Variants in CSGALNACT1 observed in about 807,000 individuals in gnomAD.
CSGALNACT1 encodes the protein chondroitin sulfate N-acetylgalactosaminyltransferase 1, also known as beta4GalNAcT-1.
CSGALNACT1 carries 52 observed loss-of-function variants against 51.0 expected under a neutral mutation model. The observed-to-expected ratio is 1.02, with a 90% CI of 0.82 to 1.29. CSGALNACT1 has a LOEUF of 1.29. Ranked by LOEUF, CSGALNACT1 falls within the 50% of genes most tolerant of loss-of-function variation. The probability of loss-of-function intolerance (pLI) is 0.00; values close to 1 mark genes in which losing one functional copy is unlikely to be tolerated. For synonymous variants in CSGALNACT1, 341 were observed against 254.4 expected (o/e 1.34, Z -3.24); for missense variants, 935 against 679.2 (o/e 1.38, Z -4.19).
At chr8:19,568,950 G>A (rs1034531459) in intron 3 of CSGALNACT1, among the ~76,000 whole-genome samples, 1 of 152,172 alleles carries the variant, frequency 6.6e-6, no homozygotes, top group Non-Finnish European at 1.5e-5. Flanking sequence ...AAGACACTAT[G>A]TGTCCCAGAA....
At chr8:19,704,434 T>C (rs918901154) in intron 1 of CSGALNACT1, among the ~76,000 whole-genome samples, 2 of 152,210 alleles carry the variant, frequency 1.3e-5, no homozygotes, top group Admixed American at 1.3e-4. Flanking sequence ...TCAAGTGTTG[T>C]CGAGGACTTG....
At chr8:19,636,671 T>C (rs1191138819) in intron 1 of CSGALNACT1, among the ~76,000 whole-genome samples, 2 of 152,220 alleles carry the variant, frequency 1.3e-5, no homozygotes, top group African/African-American at 4.8e-5. Context: ...ATACAGTCGG[T>C]AGTGCTGTCC....
At chr8:19,615,292 G>A (rs2052846003) in intron 1 of CSGALNACT1, among the ~76,000 whole-genome samples, 1 of 152,200 alleles carries the variant, frequency 6.6e-6, no homozygotes, top group Non-Finnish European at 1.5e-5. Flanking sequence ...GACAAAGTGA[G>A]ACTCCATCTC....
intron 2 of CSGALNACT1, 135 bp downstream of exon 2, chr8:19,601,636 C>G (rs1377688207): frequency 3.3e-6 from 1 of 302,640 alleles, no homozygotes; most frequent in Non-Finnish European, 6.5e-6. Context: ...GTATCATTCT[C>G]TTGAAGTAAT....
At chr8:19,603,750 T>C (rs1234089702), upstream of CSGALNACT1, among the ~76,000 whole-genome samples, 2 of 152,210 alleles carry the variant, frequency 1.3e-5, no homozygotes, top group African/African-American at 4.8e-5. Flanking sequence ...ATGGTCTTTA[T>C]GGATATCCTT....
At position 19,505,825 on chromosome 8, in the gene CSGALNACT1, CCAT is replaced by C. The variant is rs747629736; in HGVS notation, c.7_9del (p.Met3del). 3 of 1,611,532 alleles carry C rather than the reference CCAT, an allele frequency of 1.9e-6. No homozygotes were observed. The highest frequency in any genetic ancestry group is 1.7e-6 in the Non-Finnish European group (2 of 1,180,020). On this transcript the variant is annotated inframe_deletion, in exon 4 of 10. Transcript: ENST00000454498. The stretch of plus-strand genomic sequence containing the variant: ...ATCCACGCAAGCAGCCCCCGGCGAA[CCAT>C]CATCATTCAGGAATCAGCCATGCGT...
chr8:19,464,365 G>A (rs367865737), intron 4 of CSGALNACT1, among the ~76,000 whole-genome samples: 2 of 152,006 alleles, frequency 1.3e-5, no homozygotes, highest in East Asian at 1.9e-4. Context: ...CAAAGTTCTC[G>A]CCAGCATCCC....
chr8:19,623,093 G>C (rs1229145011), intron 1 of CSGALNACT1, among the ~76,000 whole-genome samples: 3 of 152,060 alleles, frequency 2.0e-5, no homozygotes, highest in Admixed American at 2.0e-4. Context: ...TTCAACATAA[G>C]GATATAGAAT....
At chr8:19,404,726 A>G (rs1304624722) in exon 10 of CSGALNACT1, 2 of 454,562 alleles carry the variant, frequency 4.4e-6, no homozygotes, top group Admixed American at 4.7e-5. Flanking sequence ...TTATTTAAAC[A>G]GGTAAGAAAG....
At chr8:19,450,657 G>A (rs2063015221) in intron 5 of CSGALNACT1, among the ~76,000 whole-genome samples, 2 of 152,146 alleles carry the variant, frequency 1.3e-5, no homozygotes, top group Admixed American at 6.5e-5. Flanking sequence ...AACACTTTGG[G>A]AGGCTGAGGC....
chr8:19,520,380 C>T (rs1378387246), intron 3 of CSGALNACT1, among the ~76,000 whole-genome samples: 1 of 152,220 alleles, frequency 6.6e-6, no homozygotes, highest in African/African-American at 2.4e-5. Flanking sequence ...GTAAGACCTA[C>T]AGATAATATT....
chr8:19,462,190 G>A (rs2065709340), intron 4 of CSGALNACT1, among the ~76,000 whole-genome samples: 2 of 152,248 alleles, frequency 1.3e-5, no homozygotes, highest in Non-Finnish European at 2.9e-5. Flanking sequence ...GGCCATATCT[G>A]CACAACTGAA....
exon 10 of CSGALNACT1, chr8:19,405,254 T>A: frequency 2.2e-6 from 1 of 453,562 alleles, no homozygotes; most frequent in Non-Finnish European, 4.4e-6. Flanking sequence ...ACGATATTTA[T>A]GGTTTCTTTT....
chr8:19,610,719 G>A (rs1403550041), intron 1 of CSGALNACT1, among the ~76,000 whole-genome samples: 1 of 152,214 alleles, frequency 6.6e-6, no homozygotes, highest in Non-Finnish European at 1.5e-5. Flanking sequence ...CTTTCGCTGA[G>A]CTACTTCCAC....
chr8:19,436,409 T>G (rs1424104566), intron 6 of CSGALNACT1, among the ~76,000 whole-genome samples: 1 of 152,134 alleles, frequency 6.6e-6, no homozygotes, highest in Non-Finnish European at 1.5e-5. Flanking sequence ...ACAGCCTGAG[T>G]AACGACCTCA....
At chr8:19,484,130 C>T (rs747743197) in intron 4 of CSGALNACT1, among the ~76,000 whole-genome samples, 3 of 152,158 alleles carry the variant, frequency 2.0e-5, no homozygotes, top group African/African-American at 4.8e-5. Flanking sequence ...GGTATTACTG[C>T]GCTTATGTTC....
rs181367189 is a variant in CSGALNACT1 at position 19,730,332 on chromosome 8, G to A, written c.-297+27518C>T. On this transcript the variant is annotated intron_variant, in intron 1 of 1. Transcript: ENST00000517494. Reference sequence around the variant, plus strand: ...GTAGCTCCCTGGCTGGCTGCGGTGGGATTTGAAAATGCGGCCACTAACAGA... The same window carrying A: ...GTAGCTCCCTGGCTGGCTGCGGTGGAATTTGAAAATGCGGCCACTAACAGA... 1.2e-3 allele frequency among the ~76,000 whole-genome samples: 177 copies of A among 152,248 alleles called. 2 individuals are homozygous for A. The highest frequency in any genetic ancestry group is 8.9e-3 in the South Asian group (43 of 4,820).
intron 3 of CSGALNACT1, among the ~76,000 whole-genome samples, chr8:19,565,492 A>G (rs1298081267): frequency 6.6e-6 from 1 of 152,224 alleles, no homozygotes; most frequent in Non-Finnish European, 1.5e-5. Context: ...TATCTTTCCA[A>G]CTCAAGATCC....
intron 3 of CSGALNACT1, among the ~76,000 whole-genome samples, chr8:19,521,380 C>T (rs1411353664): frequency 6.6e-6 from 1 of 152,176 alleles, no homozygotes; most frequent in Non-Finnish European, 1.5e-5. Flanking sequence ...AAAAAGCTAT[C>T]CATCAAGAGT....
Sources: gnomAD v4.1 joint callset for allele counts (sites outside exome capture counted in the v4.1 genomes callset) on GRCh38, gnomAD v4.1.1 for gene constraint, MANE v1.5 for transcripts, NCBI Gene and HGNC (gene_info 2026-07-23, HGNC 2026-07-21) for gene names.